BLK: variants seen among roughly 807,000 people sequenced by gnomAD.
BLK encodes the protein tyrosine-protein kinase Blk.
A neutral mutation model predicts 61.8 loss-of-function variants in BLK; 64 were observed. The observed-to-expected ratio is 1.03, with a 90% CI of 0.85 to 1.27. The LOEUF (loss-of-function observed/expected upper bound fraction) is 1.27. Ranked by LOEUF, BLK falls within the 50% of genes most tolerant of loss-of-function variation. BLK has a pLI of 0.00. For synonymous variants in BLK, 351 were observed against 272.0 expected, an observed-to-expected ratio of 1.29 and a Z score of -2.86; for missense variants, 853 against 660.5, an observed-to-expected ratio of 1.29 and a Z score of -3.19.
At chr8:11,506,443 A>G (rs1798772302) in intron 1 of BLK, among the ~76,000 whole-genome samples, 1 of 152,162 alleles carries the variant, frequency 6.6e-6, no homozygotes. Context: ...TAGGCTTCTT[A>G]TGAGGGCGTT....
intron 10 of BLK, chr8:11,558,973 G>C: frequency 4.4e-6 from 2 of 456,282 alleles, no homozygotes; most frequent in South Asian, 3.1e-5. Flanking sequence ...TGGGCAGACA[G>C]CCATCTGGGC....
At chr8:11,511,431 C>T (rs1335136865) in intron 1 of BLK, among the ~76,000 whole-genome samples, 1 of 78,618 alleles carries the variant, frequency 1.3e-5, no homozygotes, top group African/African-American at 4.7e-5. Context: ...TACCCTAAAA[C>T]TTAAAGTATT....
chr8:11,501,252 A>G (rs995035803), intron 1 of BLK, among the ~76,000 whole-genome samples: 1 of 152,198 alleles, frequency 6.6e-6, no homozygotes, highest in Non-Finnish European at 1.5e-5. Context: ...TGAATAAATA[A>G]AAGGATCCTT....
At chr8:11,497,909 G>A (rs1272605944) in intron 1 of BLK, among the ~76,000 whole-genome samples, 1 of 152,194 alleles carries the variant, frequency 6.6e-6, no homozygotes, top group Non-Finnish European at 1.5e-5. Flanking sequence ...TGCCAGCTGG[G>A]AGTGTGAAGT....
In BLK at chr8:11,564,232, T is replaced by A; in HGVS notation, c.*124T>A. 8.3e-7 allele frequency: 1 copy of A among 1,207,894 alleles called. No homozygotes were observed. Among genetic ancestry groups the A allele is most frequent in the South Asian group, 1.3e-5 (1 of 76,122 alleles). 74.8% of individuals were successfully genotyped at this position (1,207,894 alleles called of 1,614,324 possible). ...CCCTTTTCTCAGACCCGGAATCCAG[T>A]GGGCAGAGGCAGCTTCGCAGGGGGT... On this transcript the variant is annotated 3_prime_UTR_variant, in exon 13 of 13. Coordinates refer to ENST00000259089, the MANE Select transcript of BLK (RefSeq NM_001715.3).
intron 3 of BLK, among the ~76,000 whole-genome samples, chr8:11,547,267 C>G (rs1293683578): frequency 1.3e-5 from 2 of 152,248 alleles, no homozygotes; most frequent in East Asian, 3.8e-4. Flanking sequence ...CCTCGCTTTC[C>G]TGCTGAGAAG....
chr8:11,528,319 A>T (rs561439559), intron 1 of BLK, among the ~76,000 whole-genome samples: 4 of 152,172 alleles, frequency 2.6e-5, no homozygotes, highest in Non-Finnish European at 2.9e-5. Flanking sequence ...TACAGGCATG[A>T]GCCACTGCAC....
At chr8:11,532,103 C>T (rs1799909525) in intron 1 of BLK, among the ~76,000 whole-genome samples, 1 of 152,062 alleles carries the variant, frequency 6.6e-6, no homozygotes, top group African/African-American at 2.4e-5. Context: ...AAGTAATTCA[C>T]CTGCTTCGGC....
intron 1 of BLK, among the ~76,000 whole-genome samples, chr8:11,496,425 A>C (rs530414551): frequency 6.6e-6 from 1 of 152,020 alleles, no homozygotes; most frequent in South Asian, 2.1e-4. Flanking sequence ...TTATTTTTTG[A>C]AGAGATGGGG....
At chr8:11,496,969 G>T (rs919962438) in intron 1 of BLK, among the ~76,000 whole-genome samples, 1 of 152,048 alleles carries the variant, frequency 6.6e-6, no homozygotes, top group African/African-American at 2.4e-5. Context: ...ACTGGCCACC[G>T]GTGGCCAGCA....
At chr8:11,562,709 A>C (rs1181730322) in intron 11 of BLK, among the ~76,000 whole-genome samples, 1 of 152,232 alleles carries the variant, frequency 6.6e-6, no homozygotes, top group Non-Finnish European at 1.5e-5. Context: ...CATTGAGGCC[A>C]TCGCTCTCTT....
intron 1 of BLK, among the ~76,000 whole-genome samples, chr8:11,504,655 C>T (rs1798700719): frequency 6.6e-6 from 1 of 152,210 alleles, no homozygotes; most frequent in Admixed American, 6.5e-5. Flanking sequence ...CTACATGGAG[C>T]ATGTGCTCAA....
At position 11,543,354 on chromosome 8, in the gene BLK, G is replaced by A. The variant is rs1022592533; in HGVS notation, c.123+7G>A. ...CCCGCCACTGCCGCCCCTGGTGAGT[G>A]ATTGCCCACCCCCACCAAGAGCAGA... is the stretch of plus-strand genomic sequence containing the variant. On this transcript the variant is annotated splice_region_variant and intron_variant, in intron 2 of 12. Transcript: ENST00000259089. 17 of 1,612,460 alleles carry A rather than the reference G, an allele frequency of 1.1e-5. No homozygotes were observed. In the African/African-American group the frequency reaches 1.2e-4, roughly 11 times the overall value.
At chr8:11,494,690 T>C (rs1798300573) in intron 1 of BLK, 99 bp downstream of exon 1, 1 of 152,306 alleles carries the variant, frequency 6.6e-6, no homozygotes, top group Non-Finnish European at 1.5e-5. Flanking sequence ...AGGACATTGC[T>C]GTGGGTGCCA....
intron 1 of BLK, among the ~76,000 whole-genome samples, chr8:11,515,471 G>T (rs73663154): frequency 1.3e-5 from 2 of 152,046 alleles, no homozygotes; most frequent in African/African-American, 4.8e-5. Flanking sequence ...GTAAGCAGCC[G>T]GCGCACAGGG....
At chr8:11,516,902 C>T (rs1485370101) in intron 1 of BLK, among the ~76,000 whole-genome samples, 1 of 152,226 alleles carries the variant, frequency 6.6e-6, no homozygotes, top group Non-Finnish European at 1.5e-5. Flanking sequence ...CAAATACCTG[C>T]TCAAGTCCCT....
intron 1 of BLK, among the ~76,000 whole-genome samples, chr8:11,527,880 T>C (rs2252407): frequency 0.017 from 2,584 of 152,182 alleles, 44 homozygotes; most frequent in African/African-American, 0.045. Flanking sequence ...TCTGGCCACA[T>C]GACTCCTGAG....
intron 1 of BLK, among the ~76,000 whole-genome samples, chr8:11,526,030 C>A (rs1444407571): frequency 6.6e-6 from 1 of 152,220 alleles, no homozygotes; most frequent in Non-Finnish European, 1.5e-5. Context: ...GCCTCGGCCT[C>A]CCAAAGTGCT....
intron 1 of BLK, among the ~76,000 whole-genome samples, chr8:11,535,296 G>T (rs928375722): frequency 7.0e-6 from 1 of 143,470 alleles, no homozygotes; most frequent in African/African-American, 2.5e-5. Flanking sequence ...AAGAAAGAAA[G>T]AAAGAAAGAA....
Sources: gnomAD v4.1 joint callset for allele counts (sites outside exome capture counted in the v4.1 genomes callset) on GRCh38, gnomAD v4.1.1 for gene constraint, MANE v1.5 for transcripts, NCBI Gene and HGNC (gene_info 2026-07-23, HGNC 2026-07-21) for gene names.